Variants in SMARCA2 observed in about 807,000 individuals in gnomAD.
SMARCA2 encodes the protein SWI/SNF related BAF chromatin remodeling complex subunit ATPase 2.
Under a neutral mutation model 199.8 loss-of-function variants are expected in SMARCA2, and 61 were observed. The observed-to-expected ratio is 0.31, with a 90% confidence interval of 0.25 to 0.38. SMARCA2 has a LOEUF of 0.38. Ranked by LOEUF, SMARCA2 falls within the 10% of genes least tolerant of loss-of-function variation. SMARCA2 has a pLI of 1.00. For missense variants in SMARCA2, 1,344 were observed against 2,012.2 expected (o/e 0.67, Z 6.35); for synonymous variants, 935 against 732.0 (o/e 1.28, Z -4.48).
chr9:2,183,879 C>A (rs1256732210), intron 31 of SMARCA2, among the ~76,000 whole-genome samples: 1 of 152,142 alleles, frequency 6.6e-6, no homozygotes, highest in Non-Finnish European at 1.5e-5. Context: ...TTCTTTATGT[C>A]AATATGGCAT....
At chr9:2,021,979 G>A (rs563435740) in intron 1 of SMARCA2, 68 of 152,128 alleles carry the variant, frequency 4.5e-4, no homozygotes, top group Middle Eastern at 3.4e-3. Context: ...GAGACCCGGC[G>A]AGATCACAGA....
At chr9:2,159,074 C>A (rs764837679) in intron 27 of SMARCA2, 82 of 1,466,430 alleles carry the variant, frequency 5.6e-5, no homozygotes, top group Non-Finnish European at 7.5e-5. Context: ...TTCAGTTGTT[C>A]TGTTTGCAAT....
chr9:2,039,695 C>G lies in SMARCA2; in HGVS notation c.585C>G (p.Gly195=). The G allele has an allele frequency of 2.5e-6, 4 of 1,613,982 alleles. No homozygotes were observed. The highest frequency in any genetic ancestry group is 3.4e-6 in the Non-Finnish European group (4 of 1,180,040). The change falls in exon 4 of 34, where the codon GGC becomes GGG. Residue 195 remains glycine, a synonymous_variant. Transcript: ENST00000349721. The surrounding 1 kb of genome is among the most constrained non-coding windows in gnomAD (Gnocchi z 4.8). Reference sequence around the variant, plus strand: ...TAGCTTATAAAATGCTGGCCCGAGGCCAGCCCCTCCCCGAAACGCTGCAGC... The same window carrying G: ...TAGCTTATAAAATGCTGGCCCGAGGGCAGCCCCTCCCCGAAACGCTGCAGC... ...QILAYKMLAR[G]QPLPETLQLA...
chr9:2,031,316 T>C (rs17711934), intron 2 of SMARCA2, among the ~76,000 whole-genome samples: 2,484 of 152,320 alleles, frequency 0.016, 23 homozygotes, highest in Middle Eastern at 0.054. Context: ...ATTGAACATA[T>C]TGACATCCAA....
intron 1 of SMARCA2, chr9:2,018,010 T>A (rs1818437951): frequency 1.3e-5 from 2 of 152,256 alleles, no homozygotes; most frequent in African/African-American, 4.8e-5. Flanking sequence ...CTGTTGCTTG[T>A]CAGTTCTTTC....
At chr9:2,120,001 T>C (rs946740885) in intron 26 of SMARCA2, among the ~76,000 whole-genome samples, 1 of 152,170 alleles carries the variant, frequency 6.6e-6, no homozygotes, top group Non-Finnish European at 1.5e-5. Context: ...CCTTACAGGA[T>C]CAAAGCAACA....
chr9:2,024,382 A>C (rs1035007565), intron 1 of SMARCA2, among the ~76,000 whole-genome samples: 3 of 151,850 alleles, frequency 2.0e-5, no homozygotes, highest in Admixed American at 6.6e-5. Flanking sequence ...TCTTGTTGCT[A>C]CTTACGCACA....
At chr9:2,168,733 G>C (rs1826072355) in intron 28 of SMARCA2, among the ~76,000 whole-genome samples, 1 of 152,026 alleles carries the variant, frequency 6.6e-6, no homozygotes, top group Non-Finnish European at 1.5e-5. Flanking sequence ...ATTTTTTGTT[G>C]CTTTGTTTTA....
At chr9:2,191,584 G>T (rs904910116) in intron 33 of SMARCA2, 176 bp downstream of exon 33, 2 of 602,962 alleles carry the variant, frequency 3.3e-6, no homozygotes, top group African/African-American at 3.7e-5. Context: ...TTAGAACAAA[G>T]GATTGGGGGC....
At chr9:2,178,731 T>C (rs929422190) in intron 29 of SMARCA2, among the ~76,000 whole-genome samples, 1 of 152,182 alleles carries the variant, frequency 6.6e-6, no homozygotes, top group Non-Finnish European at 1.5e-5. Context: ...TTTAATTTTT[T>C]TTTAACCTGT....
At chr9:2,120,774 G>T (rs968259360) in intron 26 of SMARCA2, among the ~76,000 whole-genome samples, 1 of 152,002 alleles carries the variant, frequency 6.6e-6, no homozygotes, top group East Asian at 1.9e-4. Context: ...TTCTCCCTCC[G>T]TCCCCGAAAT....
intron 27 of SMARCA2, among the ~76,000 whole-genome samples, chr9:2,149,242 G>T (rs1363561055): frequency 2.0e-5 from 3 of 151,492 alleles, no homozygotes; most frequent in East Asian, 1.9e-4. Flanking sequence ...CCCTGGCTGG[G>T]TGTGGTGGCT....
chr9:2,139,598 G>A (rs1824370564), intron 27 of SMARCA2, among the ~76,000 whole-genome samples: 1 of 152,086 alleles, frequency 6.6e-6, no homozygotes, highest in Non-Finnish European at 1.5e-5. Flanking sequence ...TTTATCTGAT[G>A]ATTGACTGTT....
At chr9:2,015,858 G>A (rs1396563111) in intron 1 of SMARCA2, 1 of 152,334 alleles carries the variant, frequency 6.6e-6, no homozygotes, top group Non-Finnish European at 1.5e-5. Flanking sequence ...TAAAAGTGAG[G>A]CGGCGGGGAG....
At chr9:2,191,162 C>A in intron 32 of SMARCA2, 104 bp from the exon 33 acceptor site, 5 of 1,128,362 alleles carry the variant, frequency 4.4e-6, no homozygotes, top group Non-Finnish European at 6.6e-6. Flanking sequence ...TCTGGGCACT[C>A]TGGGATGTTT....
intron 27 of SMARCA2, among the ~76,000 whole-genome samples, chr9:2,151,362 G>T (rs1434583230): frequency 1.3e-5 from 2 of 151,566 alleles, no homozygotes; most frequent in African/African-American, 4.8e-5. Context: ...AGTGAAATTT[G>T]TTGTGATGAG....
At chr9:2,142,664 G>A (rs902889643) in intron 27 of SMARCA2, among the ~76,000 whole-genome samples, 6 of 152,230 alleles carry the variant, frequency 3.9e-5, no homozygotes, top group Non-Finnish European at 8.8e-5. Context: ...AGAAGATTGT[G>A]TAGTTACTAG....
chr9:2,173,227 G>A (rs1463162483), intron 29 of SMARCA2, among the ~76,000 whole-genome samples: 8 of 152,146 alleles, frequency 5.3e-5, no homozygotes, highest in South Asian at 2.1e-4. Context: ...TAGTTACCTG[G>A]CCCTGCATAC....
rs1820250867 is a variant in SMARCA2 at position 2,054,265 on chromosome 9, G to A, written c.1047-332G>A. Among the ~76,000 whole-genome samples, 5 of 152,306 alleles carry A rather than the reference G, an allele frequency of 3.3e-5. No homozygotes were observed. The South Asian group carries it at 8.3e-4, about 25-fold the overall frequency. Reference sequence around the variant, plus strand: ...CTGGGAGTTAGAAAGCTTGTCAATTGGTTCTGTCTCTTATATTCTCTCTCT... The same window carrying A: ...CTGGGAGTTAGAAAGCTTGTCAATTAGTTCTGTCTCTTATATTCTCTCTCT... On this transcript the variant is annotated intron_variant, in intron 5 of 33. Transcript: ENST00000349721.
Sources: allele counts gnomAD v4.1 joint callset (sites outside exome capture counted in the v4.1 genomes callset), GRCh38; gene constraint gnomAD v4.1.1; non-coding constraint Gnocchi (gnomAD v3.1); transcripts MANE v1.5; gene names NCBI Gene and HGNC (gene_info 2026-07-23, HGNC 2026-07-21).